ATE1: variants seen among roughly 807,000 people sequenced by gnomAD.
The protein encoded by ATE1 is arginyltransferase 1.
A neutral mutation model predicts 70.5 loss-of-function variants in ATE1; 36 were observed. That is an observed-to-expected ratio of 0.51 (90% CI 0.39 to 0.67). The LOEUF (loss-of-function observed/expected upper bound fraction) is 0.67. Among genes scored for constraint, ATE1 ranks in the 30% least tolerant of loss-of-function variants. ATE1 has a pLI of 0.00. For missense variants in ATE1, 593 were observed against 629.5 expected (o/e 0.94, Z 0.62); for synonymous variants, 232 against 219.3 (o/e 1.06, Z -0.51).
At chr10:121,858,637 A>G (rs899009477) in intron 8 of ATE1, among the ~76,000 whole-genome samples, 3 of 145,902 alleles carry the variant, frequency 2.1e-5, no homozygotes, top group Admixed American at 1.4e-4. Context: ...ATATATATAT[A>G]ATATATATAT....
At chr10:121,800,417 T>C (rs1045108717) in intron 10 of ATE1, among the ~76,000 whole-genome samples, 10 of 152,198 alleles carry the variant, frequency 6.6e-5, no homozygotes, top group Non-Finnish European at 1.5e-5. Context: ...GTTTTTACAG[T>C]TTTCAAATCA....
chr10:121,902,625 A>G lies in ATE1; in HGVS notation c.584-5T>C. On this transcript the variant is annotated splice_polypyrimidine_tract_variant and splice_region_variant and intron_variant, in intron 5 of 11. Coordinates refer to ENST00000224652, the MANE Select transcript of ATE1 (RefSeq NM_001001976.3). ...TACTCAAATCAGCCCCTTTGCCTAA[A>G]AAGAATTTTAAAATATTAGACCAAT... 1.3e-6 allele frequency: 2 copies of G among 1,584,004 alleles called. No homozygotes were observed. The highest frequency in any genetic ancestry group is 1.7e-6 in the Non-Finnish European group (2 of 1,164,958).
chr10:121,791,055 CGTGTGTGTGTG>C (rs1946423889), intron 10 of ATE1, among the ~76,000 whole-genome samples: 1 of 135,870 alleles, frequency 7.4e-6, no homozygotes, highest in Non-Finnish European at 1.5e-5. Flanking sequence ...TATATGTATA[CGTGTGTGTGTG>C]TGTGTGTGTG....
chr10:121,789,146 C>T (rs1163449453), intron 11 of ATE1, among the ~76,000 whole-genome samples: 1 of 152,144 alleles, frequency 6.6e-6, no homozygotes, highest in African/African-American at 2.4e-5. Flanking sequence ...TTTTAATCCT[C>T]ATTACAGCTA....
intron 3 of ATE1, among the ~76,000 whole-genome samples, chr10:121,919,156 T>A (rs778520402): frequency 1.3e-5 from 2 of 152,082 alleles, no homozygotes; most frequent in Non-Finnish European, 2.9e-5. Context: ...GAAGGTTTGT[T>A]CTTTCACACT....
chr10:121,756,077 T>G (rs999790421), intron 11 of ATE1, among the ~76,000 whole-genome samples: 1 of 152,134 alleles, frequency 6.6e-6, no homozygotes, highest in Non-Finnish European at 1.5e-5. Flanking sequence ...CTAGATACAA[T>G]GGGGGTACAG....
intron 10 of ATE1, among the ~76,000 whole-genome samples, chr10:121,833,234 TCTGTTA>T (rs1195912795): frequency 2.0e-5 from 3 of 152,034 alleles, no homozygotes; most frequent in Admixed American, 6.6e-5. Flanking sequence ...GAACTGCGTA[TCTGTTA>T]CTAAGTTATA....
intron 10 of ATE1, among the ~76,000 whole-genome samples, chr10:121,808,542 T>C (rs1339742496): frequency 6.6e-6 from 1 of 152,198 alleles, no homozygotes; most frequent in African/African-American, 2.4e-5. Context: ...ACTCCACTCA[T>C]ATGCAAAGAT....
Position 121,898,415 on chromosome 10 carries a change from T to A in ATE1, c.942+1451A>T, listed in dbSNP as rs370749835. Reference sequence around the variant, plus strand: ...GTGTAAAGCAGGCGAGGCTAAGCTATGATGTTCGGTAGGTTAGGTGTAGGT... The same window carrying A: ...GTGTAAAGCAGGCGAGGCTAAGCTAAGATGTTCGGTAGGTTAGGTGTAGGT... On this transcript the variant is annotated intron_variant, in intron 7 of 11. Transcript: ENST00000224652. Among the ~76,000 whole-genome samples, 3 of 152,234 alleles carry A rather than the reference T, an allele frequency of 2.0e-5. No individual in the cohort carries two copies. The East Asian group carries it at 5.8e-4, about 29-fold the overall frequency.
At chr10:121,898,614 A>G (rs10510101) in intron 7 of ATE1, among the ~76,000 whole-genome samples, 1 of 152,050 alleles carries the variant, frequency 6.6e-6, no homozygotes, top group South Asian at 2.1e-4. Context: ...TGACCTTATA[A>G]ACCACTACTT....
intron 8 of ATE1, among the ~76,000 whole-genome samples, chr10:121,847,486 C>T (rs138350703): frequency 3.1e-4 from 46 of 150,172 alleles, no homozygotes; most frequent in African/African-American, 1.1e-3. Context: ...AAAGGCCAGG[C>T]GCGGTAGCTC....
intron 8 of ATE1, among the ~76,000 whole-genome samples, chr10:121,842,887 C>T (rs935440148): frequency 4.6e-5 from 7 of 152,132 alleles, no homozygotes; most frequent in Non-Finnish European, 1.0e-4. Flanking sequence ...CAAAAACCCA[C>T]AGCTCACAGC....
intron 11 of ATE1, among the ~76,000 whole-genome samples, chr10:121,770,764 C>A (rs1211365492): frequency 6.7e-6 from 1 of 150,070 alleles, no homozygotes; most frequent in African/African-American, 2.4e-5. Flanking sequence ...CTTATTAGAA[C>A]CTTTCATTGT....
chr10:121,864,536 C>T (rs982025908), intron 8 of ATE1, among the ~76,000 whole-genome samples: 2 of 152,184 alleles, frequency 1.3e-5, no homozygotes, highest in African/African-American at 2.4e-5. Flanking sequence ...AACGTGCAGA[C>T]GTTCAGAAAC....
chr10:121,918,241 A>AGGC (rs1951737174), intron 3 of ATE1, among the ~76,000 whole-genome samples: 1 of 151,992 alleles, frequency 6.6e-6, no homozygotes, highest in East Asian at 1.9e-4. Context: ...GCTGAGGCAG[A>AGGC]AGAATCACTT....
chr10:121,749,232 A>G (rs1944487406), intron 11 of ATE1, among the ~76,000 whole-genome samples: 1 of 152,206 alleles, frequency 6.6e-6, no homozygotes, highest in Non-Finnish European at 1.5e-5. Flanking sequence ...GTACTCAGGT[A>G]AGATTTTATC....
intron 7 of ATE1, among the ~76,000 whole-genome samples, chr10:121,892,280 T>C (rs1280370562): frequency 2.0e-5 from 3 of 151,994 alleles, no homozygotes; most frequent in Admixed American, 6.6e-5. Context: ...ATCTCCTTAA[T>C]AGAACTATCA....
Position 121,902,455 on chromosome 10 carries a change from T to C in ATE1, c.749A>G (p.Gln250Arg). Reference protein sequence around the residue: ...SLFPPKAKSNQPKSLEDLIFE... With the variant: ...SLFPPKAKSNRPKSLEDLIFE... ...AATTAAATCTTCGAGTGATTTTGGC[T>C]GGTTGGATTTAGCCTTTGGTGGAAA... Residue 250 changes from glutamine to arginine, a missense_variant, in exon 6 of 12, where the codon CAG becomes CGG. Around this residue, in one of 3 missense-constraint regions of ATE1, gnomAD observed 467 missense variants for 469.6 expected, o/e 0.99. Transcript: ENST00000224652. 1 of 1,614,206 alleles carries C rather than the reference T, an allele frequency of 6.2e-7. No individual in the cohort carries two copies. Among genetic ancestry groups the C allele is most frequent in the Non-Finnish European group, 8.5e-7 (1 of 1,180,036 alleles).
intron 7 of ATE1, among the ~76,000 whole-genome samples, chr10:121,894,787 G>C (rs1181883763): frequency 1.3e-5 from 2 of 152,112 alleles, no homozygotes; most frequent in African/African-American, 4.8e-5. Flanking sequence ...TGTAGTCCCA[G>C]CTACTTGGGA....
Sources: allele counts gnomAD v4.1 joint callset (sites outside exome capture counted in the v4.1 genomes callset), GRCh38; gene constraint gnomAD v4.1.1; regional missense constraint gnomAD v4.1.1; transcripts MANE v1.5; gene names NCBI Gene and HGNC (gene_info 2026-07-23, HGNC 2026-07-21).